The following CLSTN2 variants were observed in gnomAD, a reference collection of about 807,000 sequenced individuals.
The protein encoded by CLSTN2 is calsyntenin 2.
A neutral mutation model predicts 101.2 loss-of-function variants in CLSTN2; 48 were observed. The observed-to-expected ratio is 0.47, with a 90% confidence interval of 0.38 to 0.60. The LOEUF (loss-of-function observed/expected upper bound fraction) is 0.60. Among genes scored for constraint, CLSTN2 ranks in the 20% least tolerant of loss-of-function variants. The probability of loss-of-function intolerance (pLI) is 0.00; values close to 1 mark genes in which losing one functional copy is unlikely to be tolerated. For synonymous variants in CLSTN2, 481 were observed against 463.6 expected (o/e 1.04, Z -0.48); for missense variants, 1,160 against 1,238.2 (o/e 0.94, Z 0.95).
At chr3:140,539,714 T>G (rs1935434541) in intron 9 of CLSTN2, among the ~76,000 whole-genome samples, 1 of 152,184 alleles carries the variant, frequency 6.6e-6, no homozygotes, top group Non-Finnish European at 1.5e-5. Context: ...TCTCACTTAG[T>G]CCTCACAACC....
intron 1 of CLSTN2, among the ~76,000 whole-genome samples, chr3:140,149,938 A>G (rs567006518): frequency 3.3e-4 from 51 of 152,304 alleles, no homozygotes; most frequent in Non-Finnish European, 6.5e-4. Flanking sequence ...ACAAGTAGGT[A>G]TCTTTGTTAA....
At chr3:140,083,697 G>T (rs915157826) in intron 1 of CLSTN2, among the ~76,000 whole-genome samples, 2 of 152,166 alleles carry the variant, frequency 1.3e-5, no homozygotes, top group Admixed American at 6.5e-5. Context: ...TTTAGTGTAG[G>T]ATTTTCCATC....
intron 1 of CLSTN2, among the ~76,000 whole-genome samples, chr3:140,159,126 A>G (rs1451107099): frequency 2.0e-5 from 3 of 152,192 alleles, no homozygotes; most frequent in African/African-American, 7.2e-5. Context: ...CTTGGTGAAG[A>G]ATTTTTGGCT....
intron 1 of CLSTN2, among the ~76,000 whole-genome samples, chr3:140,086,698 C>G (rs925900711): frequency 2.6e-5 from 4 of 152,212 alleles, no homozygotes; most frequent in African/African-American, 9.6e-5. Context: ...ATGTTTTCTA[C>G]AGTTCCCCTG....
intron 2 of CLSTN2, among the ~76,000 whole-genome samples, chr3:140,252,718 A>G (rs1194893937): frequency 6.6e-6 from 1 of 152,242 alleles, no homozygotes; most frequent in Non-Finnish European, 1.5e-5. Context: ...AAAAAGGAGC[A>G]CAACCCTGTA....
chr3:140,292,020 C>G (rs1369858171), intron 2 of CLSTN2, among the ~76,000 whole-genome samples: 1 of 152,094 alleles, frequency 6.6e-6, no homozygotes, highest in African/African-American at 2.4e-5. Flanking sequence ...GAGGATCTTT[C>G]TAAAACAAAA....
At chr3:140,291,327 A>G (rs997518857) in intron 2 of CLSTN2, among the ~76,000 whole-genome samples, 3 of 151,710 alleles carry the variant, frequency 2.0e-5, no homozygotes, top group East Asian at 2.0e-4. Flanking sequence ...CCTAATATGT[A>G]TCTGAAACTG....
chr3:140,354,220 A>T (rs2087641072), intron 2 of CLSTN2, among the ~76,000 whole-genome samples: 1 of 152,164 alleles, frequency 6.6e-6, no homozygotes, highest in African/African-American at 2.4e-5. Flanking sequence ...GTTCCATAGG[A>T]TGTTACCCAG....
At chr3:140,183,759 A>G (rs548189037) in intron 2 of CLSTN2, among the ~76,000 whole-genome samples, 1 of 152,206 alleles carries the variant, frequency 6.6e-6, no homozygotes, top group Admixed American at 6.5e-5. Flanking sequence ...GCTAATGTTT[A>G]TACATACCAG....
chr3:140,331,011 T>C (rs1044172944), intron 2 of CLSTN2, among the ~76,000 whole-genome samples: 5 of 152,164 alleles, frequency 3.3e-5, no homozygotes, highest in African/African-American at 9.7e-5. Flanking sequence ...CAAAGTCCCA[T>C]GATAGGTCAT....
At chr3:140,047,789 C>G (rs183633808) in intron 1 of CLSTN2, among the ~76,000 whole-genome samples, 1 of 152,164 alleles carries the variant, frequency 6.6e-6, no homozygotes, top group Non-Finnish European at 1.5e-5. Flanking sequence ...CCCATTAGTT[C>G]GTTAACACAT....
chr3:139,961,309 T>A (rs1269422222), intron 1 of CLSTN2, among the ~76,000 whole-genome samples: 3 of 152,226 alleles, frequency 2.0e-5, no homozygotes, highest in African/African-American at 7.2e-5. Context: ...GATATAGCAT[T>A]ATTATGAATG....
At chr3:140,499,890 C>A (rs1175154825) in intron 8 of CLSTN2, among the ~76,000 whole-genome samples, 1 of 152,056 alleles carries the variant, frequency 6.6e-6, no homozygotes, top group South Asian at 2.1e-4. Context: ...CGGTGAAACC[C>A]CGTCTCTACT....
rs965881781 is a variant in CLSTN2, at chr3:140,572,541, G to C, written c.*6288G>C. 2.0e-5 allele frequency: 3 copies of C among 152,246 alleles called. No individual in the cohort carries two copies. The highest frequency in any genetic ancestry group is 1.3e-4 in the Admixed American group (2 of 15,284). The allele number at this position is 152,246 out of a possible 1,614,324, so 9.4% of individuals were successfully genotyped here. On this transcript the variant is annotated 3_prime_UTR_variant, in exon 17 of 17. Transcript: ENST00000458420. ...GGAGCCCTCCTGAGGCCCAACATCA[G>C]AGCTGAAGATCTAAGGAGGGCCCAC...
At chr3:140,239,001 G>T (rs2086438413) in intron 2 of CLSTN2, among the ~76,000 whole-genome samples, 1 of 152,074 alleles carries the variant, frequency 6.6e-6, no homozygotes, top group Non-Finnish European at 1.5e-5. Flanking sequence ...TTCATTTGGA[G>T]GAAAATACAA....
Position 140,476,975 on chromosome 3 carries a change from G to C in CLSTN2, c.1344+10244G>C, listed in dbSNP as rs539243876. Among the ~76,000 whole-genome samples the C allele has an allele frequency of 4.6e-5, 7 of 152,244 alleles. 1 individual carries two copies. The South Asian group carries it at 1.0e-3, about 23-fold the overall frequency. The stretch of plus-strand genomic sequence containing the variant: ...TGCCCAGCCTGTTTTAGCATCTTTT[G>C]AAGCAAAGATCACCTCGCTCCTGAG... On this transcript the variant is annotated intron_variant, in intron 8 of 16. Coordinates refer to ENST00000458420, the MANE Select transcript of CLSTN2 (RefSeq NM_022131.3).
chr3:140,027,160 G>A (rs1361353623), intron 1 of CLSTN2, among the ~76,000 whole-genome samples: 4 of 152,232 alleles, frequency 2.6e-5, no homozygotes, highest in Admixed American at 2.6e-4. Flanking sequence ...AAGTGGAGGG[G>A]CAGGAGAAAT....
chr3:140,411,769 C>T (rs1267511264), intron 4 of CLSTN2, among the ~76,000 whole-genome samples: 1 of 152,174 alleles, frequency 6.6e-6, no homozygotes, highest in Non-Finnish European at 1.5e-5. Flanking sequence ...GGGAATTCAC[C>T]CATAAGGATC....
At chr3:140,338,569 C>CG (rs1237103167) in intron 2 of CLSTN2, among the ~76,000 whole-genome samples, 4 of 152,120 alleles carry the variant, frequency 2.6e-5, no homozygotes, top group African/African-American at 9.7e-5. Flanking sequence ...TCCAGTCCCC[C>CG]CCCGGCCTCA....
Sources: allele counts gnomAD v4.1 joint callset (sites outside exome capture counted in the v4.1 genomes callset), GRCh38; gene constraint gnomAD v4.1.1; transcripts MANE v1.5; gene names NCBI Gene and HGNC (gene_info 2026-07-23, HGNC 2026-07-21).